Variants in RSU1 observed in about 807,000 individuals in gnomAD.
RSU1 encodes rsu-1.
In RSU1, 26 loss-of-function variants were observed where a neutral mutation model predicts 31.1. The ratio of observed to expected loss-of-function variants is 0.84; its 90% CI spans 0.61 to 1.16. RSU1 has a LOEUF of 1.16. Among genes scored for constraint, RSU1 ranks in the 50% most tolerant of loss-of-function variants. RSU1 has a pLI of 0.00. For synonymous variants in RSU1, 164 were observed against 136.3 expected, an observed-to-expected ratio of 1.20 and a Z score of -1.41; for missense variants, 320 against 339.1, an observed-to-expected ratio of 0.94 and a Z score of 0.44.
At position 16,722,868 on chromosome 10, in the gene RSU1, G is replaced by GCA. The variant is rs1564332482; in HGVS notation, c.599-27714_599-27713insTG. Among the ~76,000 whole-genome samples, 11 of 130,936 alleles carry GCA rather than the reference G, an allele frequency of 8.4e-5. No individual in the cohort carries two copies. In the East Asian group the frequency reaches 9.4e-4, roughly 11 times the overall value. The allele number at this position is 130,936 out of a possible 152,430, so 85.9% of individuals were successfully genotyped here. ...TATATACACACATATATACATATAT[G>GCA]TATATATACACACATATACATATAT... On this transcript the variant is annotated intron_variant, in intron 7 of 8. Transcript: ENST00000345264.
intron 2 of RSU1, among the ~76,000 whole-genome samples, chr10:16,782,914 T>A (rs796573386): frequency 0.21 from 27,890 of 134,510 alleles, 2,539 homozygotes; most frequent in African/African-American, 0.27. Context: ...ATTTTTCCTA[T>A]TTTTTTTTTT....
intron 8 of RSU1, among the ~76,000 whole-genome samples, chr10:16,621,509 T>C (rs1834070248): frequency 6.6e-6 from 1 of 152,174 alleles, no homozygotes; most frequent in African/African-American, 2.4e-5. Flanking sequence ...ACTGTATTAG[T>C]CTGTTCTCAC....
chr10:16,752,701 G>A (rs1837004062), intron 6 of RSU1, 48 bp from the exon 7 acceptor site: 3 of 1,403,520 alleles, frequency 2.1e-6, no homozygotes, highest in African/African-American at 1.4e-5. Context: ...ATTAAAAGGT[G>A]CTCCACAGAA....
In RSU1 at chr10:16,728,346, T is replaced by C. The variant is rs549822981; in HGVS notation, c.598+24193A>G. On this transcript the variant is annotated intron_variant, in intron 7 of 8. Coordinates refer to ENST00000345264, the MANE Select transcript of RSU1 (RefSeq NM_012425.4). ...GGAGGAGAGCAAAATAAACTTCATTTCTCCCCAATATGAAGAATAAAAATC... is the reference window on the plus strand; with the variant it reads ...GGAGGAGAGCAAAATAAACTTCATTCCTCCCCAATATGAAGAATAAAAATC... Among the ~76,000 whole-genome samples the C allele has an allele frequency of 7.2e-5, 11 of 152,180 alleles. No individual in the cohort carries two copies. The South Asian group carries it at 1.9e-3, about 26-fold the overall frequency.
At chr10:16,635,564 C>T (rs1834331400) in intron 8 of RSU1, among the ~76,000 whole-genome samples, 1 of 152,218 alleles carries the variant, frequency 6.6e-6, no homozygotes, top group East Asian at 1.9e-4. Context: ...CACTGGCATT[C>T]AAGATCCCAA....
intron 8 of RSU1, among the ~76,000 whole-genome samples, chr10:16,637,198 G>A (rs1226567847): frequency 6.6e-6 from 1 of 152,104 alleles, no homozygotes; most frequent in African/African-American, 2.4e-5. Flanking sequence ...ATTCAATCTT[G>A]CCCCCACATG....
chr10:16,737,700 G>A (rs886741825), intron 7 of RSU1, among the ~76,000 whole-genome samples: 1 of 151,820 alleles, frequency 6.6e-6, no homozygotes, highest in Non-Finnish European at 1.5e-5. Flanking sequence ...AGAAGCGGCA[G>A]TCAATGTGAA....
intron 8 of RSU1, among the ~76,000 whole-genome samples, chr10:16,661,612 A>G (rs1407725936): frequency 2.0e-5 from 3 of 152,206 alleles, no homozygotes; most frequent in African/African-American, 7.2e-5. Flanking sequence ...ATGTAGAGCA[A>G]TGGCAAAAGC....
At chr10:16,759,083 G>A (rs888346950) in intron 4 of RSU1, among the ~76,000 whole-genome samples, 4 of 152,126 alleles carry the variant, frequency 2.6e-5, no homozygotes, top group African/African-American at 9.7e-5. Context: ...CTCCTTTTCA[G>A]AGCAGTTTCT....
At chr10:16,645,099 C>T (rs1389211203) in intron 8 of RSU1, among the ~76,000 whole-genome samples, 1 of 152,142 alleles carries the variant, frequency 6.6e-6, no homozygotes, top group Non-Finnish European at 1.5e-5. Flanking sequence ...TTTCCTTAAG[C>T]CATTAAACAC....
rs748673191 is a variant in RSU1 at position 16,764,414 on chromosome 10, T to C, written c.257A>G (p.Gln86Arg). The C allele has an allele frequency of 6.2e-6, 10 of 1,613,654 alleles. No homozygotes were observed. In the East Asian group the frequency reaches 1.6e-4, roughly 25 times the overall value. Residue 86 changes from glutamine (Q) to arginine (R), a missense_variant, in exon 4 of 9, where the codon CAG (glutamine) becomes CGG (arginine). Coordinates refer to ENST00000345264, the MANE Select transcript of RSU1 (RefSeq NM_012425.4). Reference protein sequence around the residue: ...EELPTQISSLQKLKHLNLGMN... With the variant: ...EELPTQISSLRKLKHLNLGMN... ...CCCAAGGTTCAGGTGTTTGAGTTTC[T>C]GAAGGCTACTGATCTGTGTGGGCAG...
At chr10:16,631,248 A>AT (rs1834240938) in intron 8 of RSU1, among the ~76,000 whole-genome samples, 1 of 152,224 alleles carries the variant, frequency 6.6e-6, no homozygotes, top group Non-Finnish European at 1.5e-5. Flanking sequence ...AATGTCATCA[A>AT]TTGGGGGGAC....
At chr10:16,800,146 T>TTTAC (rs1838121825) in intron 2 of RSU1, among the ~76,000 whole-genome samples, 1 of 152,140 alleles carries the variant, frequency 6.6e-6, no homozygotes, top group South Asian at 2.1e-4. Context: ...TAAAAGCCTA[T>TTTAC]TTACCTCAGT....
chr10:16,763,723 G>C (rs1837255107), intron 4 of RSU1, among the ~76,000 whole-genome samples: 1 of 152,200 alleles, frequency 6.6e-6, no homozygotes, highest in Non-Finnish European at 1.5e-5. Context: ...TAGCCCCTTT[G>C]AAAAGGCTTG....
rs78634326 is a variant in RSU1, at chr10:16,630,069, AT to A, written c.732-36574del. On this transcript the variant is annotated intron_variant, in intron 8 of 8. Coordinates refer to ENST00000345264, the MANE Select transcript of RSU1 (RefSeq NM_012425.4). ...TTTGTTTACTTTTTAAAGTTTTTAAATTTTTTTTTTTATTTTTTGAAAGGCG... is the reference window on the plus strand; with the variant it reads ...TTTGTTTACTTTTTAAAGTTTTTAAATTTTTTTTTTATTTTTTGAAAGGCG... Among the ~76,000 whole-genome samples, 261 of 149,684 alleles carry A rather than the reference AT, an allele frequency of 1.7e-3. 3 individuals carry two copies. In the East Asian group the frequency reaches 0.028, roughly 16 times the overall value.
intron 8 of RSU1, among the ~76,000 whole-genome samples, chr10:16,684,286 T>G (rs1835396759): frequency 6.6e-6 from 1 of 152,168 alleles, no homozygotes. Context: ...AGAGTCAGAT[T>G]GGAAAGTAAG....
intron 8 of RSU1, among the ~76,000 whole-genome samples, chr10:16,669,378 C>CA (rs1835062779): frequency 6.6e-6 from 1 of 151,780 alleles, no homozygotes; most frequent in Non-Finnish European, 1.5e-5. Flanking sequence ...TTTTTTCCCC[C>CA]CCCAAAGCAC....
intron 4 of RSU1, among the ~76,000 whole-genome samples, chr10:16,761,438 A>G (rs906388043): frequency 6.6e-6 from 1 of 152,296 alleles, no homozygotes; most frequent in African/African-American, 2.4e-5. Context: ...AACAACAGAC[A>G]TCCAGGATTC....
chr10:16,710,570 G>A (rs1835997606), intron 7 of RSU1, among the ~76,000 whole-genome samples: 1 of 151,986 alleles, frequency 6.6e-6, no homozygotes, highest in South Asian at 2.1e-4. Context: ...AATAGTTTGA[G>A]GAGAACTGTT....
Sources: allele counts gnomAD v4.1 joint callset (sites outside exome capture counted in the v4.1 genomes callset), GRCh38; gene constraint gnomAD v4.1.1; transcripts MANE v1.5; gene names NCBI Gene and HGNC (gene_info 2026-07-23, HGNC 2026-07-21).